Variants in ZCWPW2 observed in about 807,000 individuals in gnomAD.
ZCWPW2 encodes the protein zinc finger CW-type PWWP domain protein 2.
Under a neutral mutation model 46.6 loss-of-function variants are expected in ZCWPW2, and 45 were observed. The observed-to-expected ratio is 0.96, with a 90% CI of 0.76 to 1.24. The LOEUF is 1.24. Among genes scored for constraint, ZCWPW2 ranks in the 50% most tolerant of loss-of-function variants. The pLI, the probability that ZCWPW2 is intolerant of heterozygous loss-of-function variation, is 0.00. For synonymous variants in ZCWPW2, 152 were observed against 137.1 expected (o/e 1.11, Z -0.76); for missense variants, 429 against 403.9 (o/e 1.06, Z -0.53).
At chr3:28,395,146 T>A (rs1054011953) in intron 2 of ZCWPW2, among the ~76,000 whole-genome samples, 1 of 152,088 alleles carries the variant, frequency 6.6e-6, no homozygotes, top group Non-Finnish European at 1.5e-5. Context: ...CCCACATACA[T>A]TGATGTTGAA....
At chr3:28,492,280 A>AT (rs1407658031) in intron 6 of ZCWPW2, 107 bp downstream of exon 6, 4 of 1,018,170 alleles carry the variant, frequency 3.9e-6, no homozygotes, top group Non-Finnish European at 5.5e-6. Flanking sequence ...CATACAATCC[A>AT]TTTTTTCTTC....
chr3:28,462,294 T>C (rs1481682192), intron 4 of ZCWPW2, among the ~76,000 whole-genome samples: 1 of 152,052 alleles, frequency 6.6e-6, no homozygotes, highest in Non-Finnish European at 1.5e-5. Flanking sequence ...CCCAGGGAGG[T>C]TGAACCCATG....
intron 1 of ZCWPW2, among the ~76,000 whole-genome samples, chr3:28,355,132 G>A (rs1486362409): frequency 1.3e-5 from 2 of 152,210 alleles, no homozygotes; most frequent in Non-Finnish European, 2.9e-5. Flanking sequence ...ATCTCCTTAA[G>A]CTGATAGGCA....
At chr3:28,397,886 G>A (rs2125724551) in intron 2 of ZCWPW2, among the ~76,000 whole-genome samples, 1 of 152,162 alleles carries the variant, frequency 6.6e-6, no homozygotes, top group South Asian at 2.1e-4. Context: ...ATAAATTCAG[G>A]TGAACTAGTA....
At chr3:28,410,464 G>A (rs1203020343) in intron 2 of ZCWPW2, among the ~76,000 whole-genome samples, 2 of 151,756 alleles carry the variant, frequency 1.3e-5, no homozygotes, top group Admixed American at 6.6e-5. Flanking sequence ...TTGTTAAGTA[G>A]GGCCACAAAA....
At chr3:28,490,477 T>C (rs956380286) in intron 5 of ZCWPW2, among the ~76,000 whole-genome samples, 2 of 152,142 alleles carry the variant, frequency 1.3e-5, no homozygotes, top group African/African-American at 2.4e-5. Flanking sequence ...CACTATGGAA[T>C]ACTATGTAGT....
At chr3:28,444,092 C>T (rs1174258639) in intron 4 of ZCWPW2, among the ~76,000 whole-genome samples, 2 of 152,158 alleles carry the variant, frequency 1.3e-5, no homozygotes, top group African/African-American at 2.4e-5. Context: ...TTAGTGGTCC[C>T]AAATCAACAG....
intron 3 of ZCWPW2, among the ~76,000 whole-genome samples, chr3:28,423,661 C>T (rs1265046552): frequency 6.6e-6 from 1 of 151,986 alleles, no homozygotes; most frequent in Non-Finnish European, 1.5e-5. Context: ...CCACTGCGCC[C>T]GGCCCCTGTG....
At chr3:28,402,097 A>G (rs1027593289) in intron 2 of ZCWPW2, among the ~76,000 whole-genome samples, 3 of 151,902 alleles carry the variant, frequency 2.0e-5, no homozygotes, top group Non-Finnish European at 4.4e-5. Flanking sequence ...AAATTGAAAC[A>G]AACAAACAAA....
intron 2 of ZCWPW2, among the ~76,000 whole-genome samples, chr3:28,394,611 A>T (rs958145874): frequency 1.3e-5 from 2 of 152,130 alleles, no homozygotes; most frequent in Admixed American, 6.5e-5. Flanking sequence ...CCATGCATAT[A>T]CAACCAATGG....
intron 6 of ZCWPW2, among the ~76,000 whole-genome samples, chr3:28,502,941 G>A (rs1056839469): frequency 6.6e-6 from 1 of 152,058 alleles, no homozygotes; most frequent in African/African-American, 2.4e-5. Flanking sequence ...TTTAAAACTT[G>A]TTTTCATCCT....
intron 5 of ZCWPW2, among the ~76,000 whole-genome samples, chr3:28,491,078 T>C (rs555907956): frequency 1.3e-5 from 2 of 152,238 alleles, no homozygotes; most frequent in South Asian, 2.1e-4. Flanking sequence ...CTAACCATAA[T>C]ACAAGGAAGA....
At chr3:28,504,313 A>G (rs1278192430) in intron 6 of ZCWPW2, among the ~76,000 whole-genome samples, 1 of 152,110 alleles carries the variant, frequency 6.6e-6, no homozygotes, top group Admixed American at 6.6e-5. Context: ...ATACTAGACA[A>G]CATTTTAAAA....
chr3:28,485,655 A>G (rs971627023), intron 5 of ZCWPW2, among the ~76,000 whole-genome samples: 2 of 152,132 alleles, frequency 1.3e-5, no homozygotes, highest in African/African-American at 4.8e-5. Context: ...TTTATTCTTG[A>G]TAACTAAACT....
chr3:28,430,047 C>G (rs761625567), intron 3 of ZCWPW2, among the ~76,000 whole-genome samples: 4 of 152,214 alleles, frequency 2.6e-5, no homozygotes, highest in Non-Finnish European at 4.4e-5. Flanking sequence ...CACTGAGGCA[C>G]TGCCTAGTGG....
chr3:28,383,463 C>T (rs1695168479), intron 1 of ZCWPW2, among the ~76,000 whole-genome samples: 1 of 152,026 alleles, frequency 6.6e-6, no homozygotes. Context: ...TGAAAACCTG[C>T]ACAATGCAGT....
intron 2 of ZCWPW2, among the ~76,000 whole-genome samples, chr3:28,395,825 G>A (rs894243484): frequency 6.6e-6 from 1 of 152,016 alleles, no homozygotes; most frequent in Non-Finnish European, 1.5e-5. Context: ...GAGACCTAAT[G>A]TACAGCATAG....
At chr3:28,515,680 T>C (rs1313082348) in intron 8 of ZCWPW2, 59 bp downstream of exon 8, 1 of 1,487,288 alleles carries the variant, frequency 6.7e-7, no homozygotes, top group Non-Finnish European at 9.2e-7. Context: ...CCACAGAATG[T>C]AGTTGTAGTC....
chr3:28,401,423 C>A (rs1695928673), intron 2 of ZCWPW2, among the ~76,000 whole-genome samples: 1 of 151,938 alleles, frequency 6.6e-6, no homozygotes, highest in Admixed American at 6.6e-5. Context: ...ACTGGAGCTC[C>A]CAAATTTATA....
Sources: allele counts gnomAD v4.1 joint callset (sites outside exome capture counted in the v4.1 genomes callset), GRCh38; gene constraint gnomAD v4.1.1; transcripts MANE v1.5; gene names NCBI Gene and HGNC (gene_info 2026-07-23, HGNC 2026-07-21).